The following HDDC2 variants were observed in gnomAD, a reference collection of about 807,000 sequenced individuals.
HDDC2 encodes HD domain containing 2.
Under a neutral mutation model 25.5 loss-of-function variants are expected in HDDC2, and 25 were observed. That is an observed-to-expected ratio of 0.98 (90% CI 0.72 to 1.37). HDDC2 has a LOEUF of 1.37. Ranked by LOEUF, HDDC2 falls within the 40% of genes most tolerant of loss-of-function variation. HDDC2 has a pLI of 0.00. For missense variants in HDDC2, 264 were observed against 253.1 expected, an observed-to-expected ratio of 1.04 and a Z score of -0.29; for synonymous variants, 106 against 89.7, an observed-to-expected ratio of 1.18 and a Z score of -1.03.
At chr6:125,298,923 TCACA>T (rs1798752269) in intron 2 of HDDC2, 107 bp from the exon 3 acceptor site, 1 of 665,496 alleles carries the variant, frequency 1.5e-6, no homozygotes, top group Non-Finnish European at 2.5e-6. Flanking sequence ...TTCTCCACCC[TCACA>T]GAGTATTTTA....
At chr6:125,276,866 C>T (rs552406051) in intron 5 of HDDC2, 18 of 515,934 alleles carry the variant, frequency 3.5e-5, no homozygotes, top group East Asian at 1.7e-4. Context: ...CTTCTCTCAC[C>T]GTCTTTTCTT....
rs78559339 is a variant in HDDC2 at position 125,290,446 on chromosome 6, A to G, written c.378+2395T>C. 6.0e-3 allele frequency among the ~76,000 whole-genome samples: 912 copies of G among 152,322 alleles called. 12 individuals carry two copies. Among genetic ancestry groups the G allele is most frequent in the African/African-American group, 0.021 (856 of 41,580 alleles). ...TGAAGTATAAAATGCATAAATTATT[A>G]CAGAAACTTGTACTGTGTTGAATAC... On this transcript the variant is annotated intron_variant, in intron 4 of 5. Coordinates refer to ENST00000398153, the MANE Select transcript of HDDC2 (RefSeq NM_016063.3).
chr6:125,280,719 G>A (rs1392792526), intron 4 of HDDC2, among the ~76,000 whole-genome samples: 1 of 152,248 alleles, frequency 6.6e-6, no homozygotes, highest in Non-Finnish European at 1.5e-5. Flanking sequence ...GCCCTAATCA[G>A]GGGCTTATAG....
Position 125,277,186 on chromosome 6 carries a change from A to G in HDDC2, c.433T>C (p.Cys145Arg), listed in dbSNP as rs972729320. The stretch of plus-strand genomic sequence containing the variant: ...TCAGATGCTTGAAGAATCATTTCAC[A>G]TTGGTCTAGCTGCTTCACAAATTTG... Reference protein sequence around the residue: ...EAKFVKQLDQCEMILQASEYE... With the variant: ...EAKFVKQLDQREMILQASEYE... Residue 145 changes from cysteine (C) to arginine (R), a missense_variant, in exon 5 of 6, where the codon TGT (cysteine) becomes CGT (arginine). Coordinates refer to ENST00000398153, the MANE Select transcript of HDDC2 (RefSeq NM_016063.3). The G allele has an allele frequency of 6.2e-7, 1 of 1,614,080 alleles. No homozygotes were observed. Among genetic ancestry groups the G allele is most frequent in the Non-Finnish European group, 8.5e-7 (1 of 1,179,956 alleles).
At chr6:125,293,249 C>A in intron 3 of HDDC2, 1 of 373,244 alleles carries the variant, frequency 2.7e-6, no homozygotes. Flanking sequence ...CACAACATAC[C>A]CACATACATT....
intron 4 of HDDC2, among the ~76,000 whole-genome samples, chr6:125,281,753 G>C (rs1392718625): frequency 6.6e-6 from 1 of 152,170 alleles, no homozygotes; most frequent in Admixed American, 6.5e-5. Context: ...TGGGGAGAAT[G>C]GAACCAAGTT....
intron 4 of HDDC2, among the ~76,000 whole-genome samples, chr6:125,292,259 G>A (rs1249205851): frequency 6.6e-6 from 1 of 152,132 alleles, no homozygotes; most frequent in Non-Finnish European, 1.5e-5. Context: ...GTAGAAGAGG[G>A]AAGCAATGGG....
intron 4 of HDDC2, among the ~76,000 whole-genome samples, chr6:125,281,372 G>A (rs928781789): frequency 6.6e-6 from 1 of 152,178 alleles, no homozygotes; most frequent in Non-Finnish European, 1.5e-5. Context: ...CAAATTGACA[G>A]AAGTAGGATT....
In HDDC2 at chr6:125,276,071, A is replaced by C. The variant is rs1798363977; in HGVS notation, c.*75T>G. 8.9e-7 allele frequency: 1 copy of C among 1,120,566 alleles called. No homozygotes were observed. Among genetic ancestry groups the C allele is most frequent in the East Asian group, 2.4e-5 (1 of 42,384 alleles). The allele number at this position is 1,120,566 out of a possible 1,614,324, so 69.4% of individuals were successfully genotyped here. Reference sequence around the variant, plus strand: ...TCACATCTAGGGAAATCAACAGACCAACAATGGCAAAACACAATACAATGA... The same window carrying C: ...TCACATCTAGGGAAATCAACAGACCCACAATGGCAAAACACAATACAATGA... On this transcript the variant is annotated 3_prime_UTR_variant, in exon 6 of 6. Coordinates refer to ENST00000398153, the MANE Select transcript of HDDC2 (RefSeq NM_016063.3).
At position 125,296,384 on chromosome 6, in the gene HDDC2, C is replaced by T. The variant is rs559480220; in HGVS notation, c.309+2330G>A. Among the ~76,000 whole-genome samples, 12 of 152,274 alleles carry T rather than the reference C, an allele frequency of 7.9e-5. No individual in the cohort carries two copies. In the South Asian group the frequency reaches 2.5e-3, roughly 32 times the overall value. ...CCTCCTACTTTAGTTTAGAGGCTCA[C>T]TGATGTAGCCAGCAAGGGCAAATGA... is the stretch of plus-strand genomic sequence containing the variant. On this transcript the variant is annotated intron_variant, in intron 3 of 5. Coordinates refer to ENST00000398153, the MANE Select transcript of HDDC2 (RefSeq NM_016063.3).
chr6:125,300,428 T>G, intron 2 of HDDC2, 110 bp downstream of exon 2: 1 of 1,315,896 alleles, frequency 7.6e-7, no homozygotes, highest in Non-Finnish European at 1.0e-6. Flanking sequence ...ATAATTTTTC[T>G]TGACCTATAA....
chr6:125,282,373 A>G (rs895482398), intron 4 of HDDC2, among the ~76,000 whole-genome samples: 5 of 152,034 alleles, frequency 3.3e-5, no homozygotes, highest in African/African-American at 1.2e-4. Context: ...AAAAAGAAAA[A>G]AGAAAAGATT....
At chr6:125,293,384 G>T (rs1390475557) in intron 3 of HDDC2, among the ~76,000 whole-genome samples, 1 of 152,144 alleles carries the variant, frequency 6.6e-6, no homozygotes, top group Non-Finnish European at 1.5e-5. Context: ...TGTTTTTATT[G>T]CAAGATGTAA....
intron 1 of HDDC2, among the ~76,000 whole-genome samples, chr6:125,301,482 GCACACACACA>G (rs3839545): frequency 8.3e-6 from 1 of 120,344 alleles, no homozygotes; most frequent in Non-Finnish European, 1.8e-5. Context: ...GGGGTCGTGA[GCACACACACA>G]CACACACACA....
At chr6:125,279,642 T>C (rs531398682) in intron 4 of HDDC2, among the ~76,000 whole-genome samples, 6 of 152,214 alleles carry the variant, frequency 3.9e-5, no homozygotes, top group African/African-American at 1.4e-4. Flanking sequence ...CCATAAACAA[T>C]TTGTCAATTT....
At chr6:125,297,799 AT>A (rs2115117483) in intron 3 of HDDC2, among the ~76,000 whole-genome samples, 1 of 152,202 alleles carries the variant, frequency 6.6e-6, no homozygotes, top group South Asian at 2.1e-4. Flanking sequence ...GGCTTCCTTC[AT>A]TTTCCAGCTT....
intron 1 of HDDC2, among the ~76,000 whole-genome samples, chr6:125,301,327 G>C (rs1222672415): frequency 6.6e-6 from 1 of 152,094 alleles, no homozygotes; most frequent in African/African-American, 2.4e-5. Context: ...GGGTGGCCGG[G>C]AGAAAAGTCT....
chr6:125,297,473 C>T (rs1798721788), intron 3 of HDDC2: 1 of 398,288 alleles, frequency 2.5e-6, no homozygotes, highest in South Asian at 1.3e-4. Context: ...TTCCTTGTGG[C>T]TCTTCTTACC....
Position 125,275,945 on chromosome 6 carries a change from C to T in HDDC2, c.*201G>A, listed in dbSNP as rs989251204. 3.5e-6 allele frequency: 2 copies of T among 568,184 alleles called. No homozygotes were observed. The highest frequency in any genetic ancestry group is 2.3e-5 in the South Asian group (1 of 42,932). The allele number at this position is 568,184 out of a possible 1,614,324, so 35.2% of individuals were successfully genotyped here. A position where few individuals can be genotyped will look rare whatever the true frequency, so the allele number is the denominator to read the frequency against. On this transcript the variant is annotated 3_prime_UTR_variant, in exon 6 of 6. Transcript: ENST00000398153. ...AGGCACTGCCACCTCCAGTGTTCAT[C>T]CATGGCACTTTCATGACCGCTTCCT...
Sources: allele counts gnomAD v4.1 joint callset (sites outside exome capture counted in the v4.1 genomes callset), GRCh38; gene constraint gnomAD v4.1.1; transcripts MANE v1.5; gene names NCBI Gene and HGNC (gene_info 2026-07-23, HGNC 2026-07-21).